NLN: variants seen among roughly 807,000 people sequenced by gnomAD.
NLN encodes neurolysin, mitochondrial.
A neutral mutation model predicts 79.9 loss-of-function variants in NLN; 64 were observed. The ratio of observed to expected loss-of-function variants is 0.80; its 90% CI spans 0.65 to 0.99. NLN has a LOEUF of 0.99. NLN is among the 50% of genes least tolerant of loss of function. NLN has a pLI of 0.00. For missense variants in NLN, 835 were observed against 858.7 expected (o/e 0.97, Z 0.34); for synonymous variants, 267 against 296.6 (o/e 0.90, Z 1.02).
At chr5:65,754,065 A>G (rs1023303851) in intron 1 of NLN, among the ~76,000 whole-genome samples, 8 of 151,728 alleles carry the variant, frequency 5.3e-5, no homozygotes, top group African/African-American at 1.7e-4. Flanking sequence ...TTATTCCTTT[A>G]TCAGTTTTCA....
chr5:65,790,451 A>G (rs537851896), intron 8 of NLN, among the ~76,000 whole-genome samples: 1 of 152,226 alleles, frequency 6.6e-6, no homozygotes, highest in Admixed American at 6.5e-5. Context: ...GAAACTTACA[A>G]TCATGGCAGA....
chr5:65,803,089 G>A (rs2150770291), intron 9 of NLN, among the ~76,000 whole-genome samples: 1 of 152,330 alleles, frequency 6.6e-6, no homozygotes, highest in Admixed American at 6.5e-5. Context: ...GGGCTTCAGA[G>A]GGGAGAACGT....
Position 65,761,392 on chromosome 5 carries a change from A to T in NLN, c.302-1568A>T, listed in dbSNP as rs555955937. Among the ~76,000 whole-genome samples, 7 of 152,132 alleles carry T rather than the reference A, an allele frequency of 4.6e-5. No homozygotes were observed. In the East Asian group the frequency reaches 1.2e-3, roughly 25 times the overall value. ...ACTGCAACCTCCGCCTCCCGGGTTC[A>T]ATCAATTCTCCTGCCTCAGCCTCCT... On this transcript the variant is annotated intron_variant, in intron 2 of 12. Coordinates refer to ENST00000380985, the MANE Select transcript of NLN (RefSeq NM_020726.5).
chr5:65,722,256 C>G lies in NLN; in HGVS notation c.-118C>G. 1 of 688,172 alleles carries G rather than the reference C, an allele frequency of 1.5e-6. No homozygotes were observed. The highest frequency in any genetic ancestry group is 2.2e-6 in the Non-Finnish European group (1 of 446,706). 42.6% of individuals were successfully genotyped at this position (688,172 alleles called of 1,614,324 possible). A position where few individuals can be genotyped will look rare whatever the true frequency, so the allele number is the denominator to read the frequency against. On this transcript the variant is annotated 5_prime_UTR_variant, in exon 1 of 13. Coordinates refer to ENST00000380985, the MANE Select transcript of NLN (RefSeq NM_020726.5). ...TGGGAGGGCGCTGGCCAGGCAGCCA[C>G]TGTGGCCTCTGCGGCTAGGCCGGCT...
At chr5:65,733,624 C>T in intron 1 of NLN, 1 of 1,495,648 alleles carries the variant, frequency 6.7e-7, no homozygotes, top group Admixed American at 1.7e-5. Context: ...TCATGGCCAT[C>T]TGAGAAAGTG....
intron 3 of NLN, among the ~76,000 whole-genome samples, chr5:65,774,797 T>C (rs1018421763): frequency 6.6e-6 from 1 of 151,672 alleles, no homozygotes; most frequent in Non-Finnish European, 1.5e-5. Context: ...CGATCTCAGC[T>C]GACTACAGCT....
chr5:65,756,229 C>G (rs75681724), intron 1 of NLN, among the ~76,000 whole-genome samples: 2,391 of 152,206 alleles, frequency 0.016, 71 homozygotes, highest in African/African-American at 0.054. Context: ...TTGAGTACTC[C>G]TATAAGTAAA....
At chr5:65,726,347 C>T (rs1252880797) in intron 1 of NLN, among the ~76,000 whole-genome samples, 1 of 152,124 alleles carries the variant, frequency 6.6e-6, no homozygotes, top group Non-Finnish European at 1.5e-5. Context: ...ATGAAATTGA[C>T]ATTATTTTTA....
At chr5:65,797,487 T>C (rs564333754) in intron 9 of NLN, among the ~76,000 whole-genome samples, 20 of 152,352 alleles carry the variant, frequency 1.3e-4, no homozygotes, top group Admixed American at 7.8e-4. Context: ...CCTGGTGTTA[T>C]GACAAGAGCA....
At position 65,826,407 on chromosome 5, in the gene NLN, T is replaced by C. The variant is rs1760922278; in HGVS notation, c.*3492T>C. The C allele has an allele frequency of 6.6e-6, 1 of 152,206 alleles. No homozygotes were observed. Among genetic ancestry groups the C allele is most frequent in the Non-Finnish European group, 1.5e-5 (1 of 68,050 alleles). 9.4% of individuals were successfully genotyped at this position (152,206 alleles called of 1,614,324 possible). A position where few individuals can be genotyped will look rare whatever the true frequency, so the allele number is the denominator to read the frequency against. Reference sequence around the variant, plus strand: ...GCACAAACATTCAGTCCATAACGAATACTGATTCCTCAAATAGGGTTTAAA... The same window carrying C: ...GCACAAACATTCAGTCCATAACGAACACTGATTCCTCAAATAGGGTTTAAA... On this transcript the variant is annotated 3_prime_UTR_variant, in exon 13 of 13. Transcript: ENST00000380985.
At chr5:65,757,475 G>A (rs1268055183) in intron 1 of NLN, among the ~76,000 whole-genome samples, 1 of 152,106 alleles carries the variant, frequency 6.6e-6, no homozygotes, top group Non-Finnish European at 1.5e-5. Flanking sequence ...TAACTTAGAG[G>A]GTTGTTGGAG....
At chr5:65,742,352 A>G (rs1758888089) in intron 1 of NLN, among the ~76,000 whole-genome samples, 1 of 152,202 alleles carries the variant, frequency 6.6e-6, no homozygotes, top group Non-Finnish European at 1.5e-5. Context: ...TATGCTACAT[A>G]AGACCAAGAT....
chr5:65,781,162 T>A (rs1759791941), intron 5 of NLN, 99 bp from the exon 6 acceptor site: 8 of 676,058 alleles, frequency 1.2e-5, no homozygotes, highest in Non-Finnish European at 1.8e-5. Flanking sequence ...TTTCAATTAC[T>A]ACACAAAATT....
chr5:65,789,067 A>G lies in NLN; in HGVS notation c.1325+583A>G, dbSNP rs150598118. 1.2e-3 allele frequency among the ~76,000 whole-genome samples: 181 copies of G among 152,210 alleles called. 2 individuals are homozygous for G. Among genetic ancestry groups the G allele is most frequent in the African/African-American group, 4.2e-3 (173 of 41,522 alleles). ...AGGATCACTTGAGTCCAGGAGTTTA[A>G]GGTTACAGTGAGCTATTATCACACT... On this transcript the variant is annotated intron_variant, in intron 8 of 12. Coordinates refer to ENST00000380985, the MANE Select transcript of NLN (RefSeq NM_020726.5).
At chr5:65,768,797 A>G (rs1035627293) in intron 3 of NLN, among the ~76,000 whole-genome samples, 2 of 152,150 alleles carry the variant, frequency 1.3e-5, no homozygotes, top group Non-Finnish European at 2.9e-5. Context: ...GGGGAGAGAG[A>G]CAGGGAGAAC....
In NLN at chr5:65,736,916, T is replaced by C. The variant is rs540137951; in HGVS notation, c.41+14502T>C. Reference sequence around the variant, plus strand: ...GGAAGTTTGACACCTGCCTGGGCTATATAGGAACACCCTGTATCTACAAAA... The same window carrying C: ...GGAAGTTTGACACCTGCCTGGGCTACATAGGAACACCCTGTATCTACAAAA... On this transcript the variant is annotated intron_variant, in intron 1 of 12. Transcript: ENST00000380985. Among the ~76,000 whole-genome samples the C allele has an allele frequency of 2.6e-3, 400 of 152,178 alleles. 2 individuals are homozygous for C. Among genetic ancestry groups the C allele is most frequent in the African/African-American group, 9.1e-3 (379 of 41,520 alleles).
In NLN at chr5:65,823,881, A is replaced by G. The variant is rs753173226; in HGVS notation, c.*966A>G. 2 of 152,278 alleles carry G rather than the reference A, an allele frequency of 1.3e-5. No individual in the cohort carries two copies. The highest frequency in any genetic ancestry group is 6.5e-5 in the Admixed American group (1 of 15,282). The allele number at this position is 152,278 out of a possible 1,614,324, so 9.4% of individuals were successfully genotyped here. ...GGAACATAAAGGGTTCAGAAACTCC[A>G]GAAGAGGAGTGGGTTTTGGATAGAA... is the stretch of plus-strand genomic sequence containing the variant. On this transcript the variant is annotated 3_prime_UTR_variant, in exon 13 of 13. Coordinates refer to ENST00000380985, the MANE Select transcript of NLN (RefSeq NM_020726.5).
intron 8 of NLN, among the ~76,000 whole-genome samples, chr5:65,789,673 G>A (rs975587238): frequency 6.6e-6 from 1 of 152,172 alleles, no homozygotes; most frequent in African/African-American, 2.4e-5. Context: ...GCCAAGGTAT[G>A]AGAATAGCTT....
chr5:65,723,804 G>A (rs1178548158), intron 1 of NLN, among the ~76,000 whole-genome samples: 1 of 81,094 alleles, frequency 1.2e-5, no homozygotes, highest in African/African-American at 4.8e-5. Context: ...GACAGAGCAA[G>A]ACTCCGTCTC....
Sources: gnomAD v4.1 joint callset for allele counts (sites outside exome capture counted in the v4.1 genomes callset) on GRCh38, gnomAD v4.1.1 for gene constraint, MANE v1.5 for transcripts, NCBI Gene and HGNC (gene_info 2026-07-23, HGNC 2026-07-21) for gene names.